TNFSF4: variants seen among roughly 807,000 people sequenced by gnomAD.
TNFSF4 encodes the protein tumor necrosis factor ligand superfamily member 4.
TNFSF4 carries 4 observed loss-of-function variants against 7.3 expected under a neutral mutation model. The ratio of observed to expected loss-of-function variants is 0.55; its 90% CI spans 0.27 to 1.25. The LOEUF (loss-of-function observed/expected upper bound fraction) is 1.25. TNFSF4 is among the 50% of genes most tolerant of loss of function. The probability of loss-of-function intolerance (pLI) is 0.12; values close to 1 mark genes in which losing one functional copy is unlikely to be tolerated. For missense variants in TNFSF4, 181 were observed against 208.8 expected, an observed-to-expected ratio of 0.87 and a Z score of 0.82; for synonymous variants, 76 against 83.7, an observed-to-expected ratio of 0.91 and a Z score of 0.50.
At chr1:173,327,783 G>T in the TNFSF4 span, among the ~76,000 whole-genome samples, 10 of 152,276 alleles carry the variant, frequency 6.6e-5, no homozygotes, top group African/African-American at 2.4e-4. Flanking sequence ...TCAGAGAAAT[G>T]CAAATCAAAA....
chr1:173,333,588 TAAG>T, the TNFSF4 span, among the ~76,000 whole-genome samples: 145 of 151,876 alleles, frequency 9.5e-4, no homozygotes, highest in African/African-American at 3.3e-3. Flanking sequence ...TAAGAGGAGA[TAAG>T]AAGAGGAGAA....
At chr1:173,424,909 G>A in the TNFSF4 span, among the ~76,000 whole-genome samples, 1 of 152,150 alleles carries the variant, frequency 6.6e-6, no homozygotes, top group Non-Finnish European at 1.5e-5. Context: ...CAGACAGGTG[G>A]ATTTTCAGGC....
the TNFSF4 span, among the ~76,000 whole-genome samples, chr1:173,385,349 A>C: frequency 6.6e-6 from 1 of 152,262 alleles, no homozygotes; most frequent in South Asian, 2.1e-4. Context: ...CTAAAGACAG[A>C]GAAAAGAAAA....
At chr1:173,187,347 T>C (rs995556692) in intron 2 of TNFSF4, among the ~76,000 whole-genome samples, 2 of 152,234 alleles carry the variant, frequency 1.3e-5, no homozygotes, top group Non-Finnish European at 2.9e-5. Flanking sequence ...AGGGTGGCAG[T>C]GGTGCCCCAT....
the TNFSF4 span, among the ~76,000 whole-genome samples, chr1:173,436,560 C>T: frequency 6.6e-6 from 1 of 152,182 alleles, no homozygotes; most frequent in Non-Finnish European, 1.5e-5. Flanking sequence ...CAGGCACCTG[C>T]CACCACACCT....
chr1:173,311,807 A>G, the TNFSF4 span, among the ~76,000 whole-genome samples: 6 of 152,132 alleles, frequency 3.9e-5, no homozygotes, highest in Non-Finnish European at 5.9e-5. Flanking sequence ...AGAAATGATC[A>G]GTACCTCAAG....
At chr1:173,214,690 G>T in the TNFSF4 span, among the ~76,000 whole-genome samples, 7 of 152,190 alleles carry the variant, frequency 4.6e-5, no homozygotes, top group Admixed American at 3.3e-4. Context: ...CACAGGCCAC[G>T]GGTTGAACAA....
chr1:173,313,209 A>G, the TNFSF4 span, among the ~76,000 whole-genome samples: 3 of 152,094 alleles, frequency 2.0e-5, no homozygotes, highest in African/African-American at 7.2e-5. Flanking sequence ...GTCATTGCCC[A>G]TTATACAGTT....
chr1:173,437,710 T>G, the TNFSF4 span, among the ~76,000 whole-genome samples: 1 of 152,194 alleles, frequency 6.6e-6, no homozygotes, highest in South Asian at 2.1e-4. Context: ...CCACATACAC[T>G]AGGGTTCATA....
At chr1:173,353,456 C>A in the TNFSF4 span, among the ~76,000 whole-genome samples, 1 of 152,154 alleles carries the variant, frequency 6.6e-6, no homozygotes, top group South Asian at 2.1e-4. Flanking sequence ...TGTGCATGCT[C>A]CTGTGTGCGT....
At chr1:173,299,156 C>T in the TNFSF4 span, among the ~76,000 whole-genome samples, 16 of 151,908 alleles carry the variant, frequency 1.1e-4, no homozygotes, top group Non-Finnish European at 1.6e-4. Context: ...CAGCCAGATT[C>T]AACAGCCCAT....
chr1:173,338,708 C>A, the TNFSF4 span, among the ~76,000 whole-genome samples: 1 of 152,112 alleles, frequency 6.6e-6, no homozygotes, highest in South Asian at 2.1e-4. Flanking sequence ...GACCCACTGG[C>A]AAAATTTTTG....
At chr1:173,257,743 G>C in the TNFSF4 span, among the ~76,000 whole-genome samples, 2 of 152,176 alleles carry the variant, frequency 1.3e-5, no homozygotes, top group Non-Finnish European at 2.9e-5. Flanking sequence ...GGCACATCAT[G>C]TAGGACAGTA....
the TNFSF4 span, among the ~76,000 whole-genome samples, chr1:173,291,104 C>T: frequency 7.2e-5 from 11 of 152,116 alleles, no homozygotes; most frequent in African/African-American, 2.7e-4. Flanking sequence ...GCAGGATATA[C>T]AGGAAGCACA....
chr1:173,388,420 T>C, the TNFSF4 span, among the ~76,000 whole-genome samples: 31 of 152,260 alleles, frequency 2.0e-4, no homozygotes, highest in Non-Finnish European at 4.0e-4. Context: ...ATAGCAGCAT[T>C]TCTGAAAGTA....
At chr1:173,400,476 C>T in the TNFSF4 span, among the ~76,000 whole-genome samples, 1 of 152,258 alleles carries the variant, frequency 6.6e-6, no homozygotes, top group South Asian at 2.1e-4. Context: ...TTATGTTCTG[C>T]CTGCCTAGAG....
At chr1:173,418,841 A>T in the TNFSF4 span, among the ~76,000 whole-genome samples, 398 of 152,304 alleles carry the variant, frequency 2.6e-3, 1 homozygote, top group African/African-American at 8.8e-3. Context: ...TGGCTGTGGA[A>T]GCCTGGGCAG....
chr1:173,364,957 C>T, the TNFSF4 span, among the ~76,000 whole-genome samples: 5 of 151,948 alleles, frequency 3.3e-5, no homozygotes, highest in African/African-American at 1.2e-4. Flanking sequence ...AGAACGCTAA[C>T]AAGCCAGACA....
At chr1:173,258,364 G>C in the TNFSF4 span, among the ~76,000 whole-genome samples, 4 of 152,080 alleles carry the variant, frequency 2.6e-5, no homozygotes, top group Non-Finnish European at 5.9e-5. Context: ...TGGCCCACCC[G>C]AGAGCAGATT....
Sources: allele counts gnomAD v4.1 joint callset (sites outside exome capture counted in the v4.1 genomes callset), GRCh38; gene constraint gnomAD v4.1.1; transcripts MANE v1.5; gene names NCBI Gene and HGNC (gene_info 2026-07-23, HGNC 2026-07-21).